Variants in CAP2 observed in about 807,000 individuals in gnomAD.
CAP2 encodes adenylyl cyclase-associated protein 2.
Under a neutral mutation model 57.7 loss-of-function variants are expected in CAP2, and 24 were observed. That is an observed-to-expected ratio of 0.42 (90% CI 0.30 to 0.58). The LOEUF is 0.58. Among genes scored for constraint, CAP2 ranks in the 20% least tolerant of loss-of-function variants. The probability of loss-of-function intolerance (pLI) is 0.22; values close to 1 mark genes in which losing one functional copy is unlikely to be tolerated. For synonymous variants in CAP2, 194 were observed against 207.2 expected (o/e 0.94, Z 0.55); for missense variants, 501 against 590.3 (o/e 0.85, Z 1.57).
At chr6:17,428,922 G>A (rs1759657414) in intron 3 of CAP2, among the ~76,000 whole-genome samples, 1 of 152,110 alleles carries the variant, frequency 6.6e-6, no homozygotes, top group Non-Finnish European at 1.5e-5. Context: ...TTAAATAGGT[G>A]CTTATCTCAT....
intron 3 of CAP2, among the ~76,000 whole-genome samples, chr6:17,459,277 C>T (rs2113591199): frequency 6.6e-6 from 1 of 152,344 alleles, no homozygotes; most frequent in South Asian, 2.1e-4. Flanking sequence ...CAAATAAAGA[C>T]TGGACATCAC....
At chr6:17,502,437 T>C (rs568731897) in intron 4 of CAP2, among the ~76,000 whole-genome samples, 2 of 152,324 alleles carry the variant, frequency 1.3e-5, no homozygotes, top group African/African-American at 4.8e-5. Context: ...GAGAAATCTA[T>C]TGGCACAGAA....
At chr6:17,430,684 G>A (rs912798493) in intron 3 of CAP2, among the ~76,000 whole-genome samples, 4 of 151,982 alleles carry the variant, frequency 2.6e-5, no homozygotes, top group East Asian at 1.9e-4. Context: ...GATTACAGCC[G>A]CACGCCACTA....
chr6:17,477,790 A>G (rs1478936326), intron 4 of CAP2, among the ~76,000 whole-genome samples: 1 of 152,000 alleles, frequency 6.6e-6, no homozygotes, highest in East Asian at 1.9e-4. Context: ...GGGAAGATCT[A>G]TTTTTCTTGA....
chr6:17,405,083 A>G (rs1758924061), intron 1 of CAP2, among the ~76,000 whole-genome samples: 1 of 152,130 alleles, frequency 6.6e-6, no homozygotes, highest in African/African-American at 2.4e-5. Context: ...AGCTACCGTG[A>G]TAAAGTTTAA....
intron 7 of CAP2, among the ~76,000 whole-genome samples, chr6:17,517,044 A>G (rs887396264): frequency 1.1e-4 from 17 of 152,200 alleles, no homozygotes; most frequent in Admixed American, 9.8e-4. Flanking sequence ...ATGGGTGTTT[A>G]TGTAGACTAA....
intron 4 of CAP2, among the ~76,000 whole-genome samples, chr6:17,500,472 G>A (rs1303731973): frequency 8.8e-5 from 13 of 148,494 alleles, no homozygotes; most frequent in African/African-American, 2.5e-4. Context: ...GGGTTCAAGC[G>A]ATTCTCCTGC....
At chr6:17,526,052 A>C (rs1762497563) in intron 7 of CAP2, among the ~76,000 whole-genome samples, 1 of 152,124 alleles carries the variant, frequency 6.6e-6, no homozygotes, top group Non-Finnish European at 1.5e-5. Flanking sequence ...ATCACAATGA[A>C]ATTTCCAAAG....
intron 3 of CAP2, among the ~76,000 whole-genome samples, chr6:17,445,255 T>G (rs1224214160): frequency 6.6e-6 from 1 of 152,208 alleles, no homozygotes; most frequent in Non-Finnish European, 1.5e-5. Context: ...TACAGGCATG[T>G]GCCACCACAC....
intron 3 of CAP2, among the ~76,000 whole-genome samples, chr6:17,438,714 T>C (rs143109687): frequency 0.027 from 3,938 of 148,322 alleles, 288 homozygotes; most frequent in African/African-American, 0.093. Context: ...GCTGGGATTA[T>C]AGGTGTGAGC....
chr6:17,474,185 C>CTTTTTTTTTTTTTTTTTTTTTTTTTTTT (rs544909381), intron 4 of CAP2, among the ~76,000 whole-genome samples: 4 of 93,208 alleles, frequency 4.3e-5, no homozygotes, highest in Non-Finnish European at 6.1e-5. Context: ...AAAAAACAGT[C>CTTTTTTTTTTTTTTTTTTTTTTTTTTTT]TTTTTTTTTT....
At chr6:17,476,661 T>C (rs527570711) in intron 4 of CAP2, among the ~76,000 whole-genome samples, 1 of 152,128 alleles carries the variant, frequency 6.6e-6, no homozygotes, top group African/African-American at 2.4e-5. Context: ...TGTTCTGCCA[T>C]CTCCCAAGGC....
intron 4 of CAP2, among the ~76,000 whole-genome samples, chr6:17,482,917 C>G (rs1384827186): frequency 6.6e-6 from 1 of 152,228 alleles, no homozygotes; most frequent in Non-Finnish European, 1.5e-5. Context: ...ATTTGTCAGG[C>G]ATTGTTCTAT....
rs190437130 is a variant in CAP2 at position 17,401,260 on chromosome 6, C to T, written c.-2+7514C>T. On this transcript the variant is annotated intron_variant, in intron 1 of 12. Coordinates refer to ENST00000229922, the MANE Select transcript of CAP2 (RefSeq NM_006366.3). ...ACCAAGGGAGACCCTTTGCTCCTTT[C>T]GCCAAGTAAGGACACAGCAAGAAAG... Among the ~76,000 whole-genome samples, 36 of 152,272 alleles carry T rather than the reference C, an allele frequency of 2.4e-4. No individual in the cohort carries two copies. The East Asian group carries it at 4.8e-3, about 20-fold the overall frequency.
At chr6:17,529,651 A>AATAT (rs1554129488) in intron 7 of CAP2, among the ~76,000 whole-genome samples, 58 of 134,474 alleles carry the variant, frequency 4.3e-4, no homozygotes, top group East Asian at 2.0e-3. Flanking sequence ...AAAAAAAAAA[A>AATAT]ATATATATAT....
intron 3 of CAP2, among the ~76,000 whole-genome samples, chr6:17,455,421 G>A (rs1760533766): frequency 6.6e-6 from 1 of 152,108 alleles, no homozygotes; most frequent in South Asian, 2.1e-4. Flanking sequence ...ACAGACCCAG[G>A]AAGAATGCTA....
At chr6:17,466,930 ATGAGT>A (rs1760881945) in intron 4 of CAP2, among the ~76,000 whole-genome samples, 1 of 152,172 alleles carries the variant, frequency 6.6e-6, no homozygotes, top group Non-Finnish European at 1.5e-5. Flanking sequence ...TATCTAGTAG[ATGAGT>A]TACTAAATAA....
chr6:17,436,363 C>G (rs1219225811), intron 3 of CAP2, among the ~76,000 whole-genome samples: 1 of 152,132 alleles, frequency 6.6e-6, no homozygotes, highest in Non-Finnish European at 1.5e-5. Context: ...GAACTCCTGA[C>G]TTCAAGTGGT....
At chr6:17,405,566 G>T (rs1272536717) in intron 1 of CAP2, among the ~76,000 whole-genome samples, 1 of 150,528 alleles carries the variant, frequency 6.6e-6, no homozygotes, top group Admixed American at 6.7e-5. Flanking sequence ...CCTATATTTG[G>T]ACCATTGTTG....
Sources: gnomAD v4.1 joint callset for allele counts (sites outside exome capture counted in the v4.1 genomes callset) on GRCh38, gnomAD v4.1.1 for gene constraint, MANE v1.5 for transcripts, NCBI Gene and HGNC (gene_info 2026-07-23, HGNC 2026-07-21) for gene names.